Variants in KIFAP3 observed in about 807,000 individuals in gnomAD.
The protein encoded by KIFAP3 is kinesin associated protein 3.
A neutral mutation model predicts 106.5 loss-of-function variants in KIFAP3; 68 were observed. That is an observed-to-expected ratio of 0.64 (90% confidence interval 0.53 to 0.78). KIFAP3 has a LOEUF of 0.78. Ranked by LOEUF, KIFAP3 falls within the 30% of genes least tolerant of loss-of-function variation. KIFAP3 has a pLI of 0.00. For missense variants in KIFAP3, 780 were observed against 941.8 expected, an observed-to-expected ratio of 0.83 and a Z score of 2.25; for synonymous variants, 320 against 311.5, an observed-to-expected ratio of 1.03 and a Z score of -0.29.
chr1:170,041,358 C>G lies in KIFAP3; in HGVS notation c.320-2070G>C, dbSNP rs551189086. Among the ~76,000 whole-genome samples the G allele has an allele frequency of 2.6e-5, 4 of 152,150 alleles. No homozygotes were observed. In the South Asian group the frequency reaches 8.3e-4, roughly 32 times the overall value. ...GCATTGATACATTATTTTAAGAGCA[C>G]CAGCTGGGCACAGTGGCTCATGCCT... On this transcript the variant is annotated intron_variant, in intron 3 of 19. Coordinates refer to ENST00000361580, the MANE Select transcript of KIFAP3 (RefSeq NM_014970.4).
chr1:170,061,516 G>A (rs1001382755), intron 1 of KIFAP3, among the ~76,000 whole-genome samples: 10 of 152,174 alleles, frequency 6.6e-5, no homozygotes, highest in African/African-American at 2.4e-4. Flanking sequence ...GGAAACAACA[G>A]GTGCTGGAGA....
intron 19 of KIFAP3, among the ~76,000 whole-genome samples, chr1:169,937,116 A>G (rs1289853157): frequency 6.6e-6 from 1 of 151,382 alleles, no homozygotes; most frequent in Non-Finnish European, 1.5e-5. Context: ...AGAAAGCTGA[A>G]AGAATAATAA....
Position 170,017,481 on chromosome 1 carries a change from C to A in KIFAP3, c.1021-857G>T, listed in dbSNP as rs184601568. 8.6e-4 allele frequency among the ~76,000 whole-genome samples: 130 copies of A among 151,744 alleles called. 1 individual carries two copies. The highest frequency in any genetic ancestry group is 3.0e-3 in the African/African-American group (123 of 41,372). On this transcript the variant is annotated intron_variant, in intron 9 of 19. Coordinates refer to ENST00000361580, the MANE Select transcript of KIFAP3 (RefSeq NM_014970.4). ...ATGGCAATACAAGTTGAGGAAAAAG[C>A]CAGTGGATCGGCATTTAGGAATAAA...
intron 10 of KIFAP3, among the ~76,000 whole-genome samples, chr1:170,003,858 A>G (rs1179046345): frequency 2.0e-5 from 3 of 152,244 alleles, no homozygotes; most frequent in Non-Finnish European, 4.4e-5. Flanking sequence ...AGTTCTGGCC[A>G]GGGCAATCAG....
At chr1:170,080,239 C>A (rs929828134) in intron 1 of KIFAP3, among the ~76,000 whole-genome samples, 2 of 151,842 alleles carry the variant, frequency 1.3e-5, no homozygotes, top group Admixed American at 6.6e-5. Context: ...CACTGAAAAC[C>A]ATGAAACAGC....
chr1:170,070,471 G>T (rs761130227), intron 1 of KIFAP3, among the ~76,000 whole-genome samples: 2 of 152,050 alleles, frequency 1.3e-5, no homozygotes, highest in African/African-American at 4.8e-5. Context: ...AAATATAATT[G>T]AGAGTGCAGG....
chr1:170,075,711 C>T (rs1003049434), upstream of KIFAP3, among the ~76,000 whole-genome samples: 2 of 152,194 alleles, frequency 1.3e-5, no homozygotes, highest in African/African-American at 4.8e-5. Flanking sequence ...GTCATTCTTT[C>T]ATTCTGAAAG....
At chr1:169,927,152 T>C (rs1216284640) in intron 19 of KIFAP3, among the ~76,000 whole-genome samples, 3 of 152,198 alleles carry the variant, frequency 2.0e-5, no homozygotes, top group Non-Finnish European at 4.4e-5. Context: ...AGTGACTCTA[T>C]ATACCATTTG....
chr1:169,957,772 G>A (rs61806097), intron 18 of KIFAP3, among the ~76,000 whole-genome samples: 4 of 152,006 alleles, frequency 2.6e-5, no homozygotes, highest in Non-Finnish European at 5.9e-5. Flanking sequence ...GATTACAGGC[G>A]TGTGCTATCA....
intron 1 of KIFAP3, 28 bp from the exon 2 acceptor site, chr1:170,055,464 C>A: frequency 6.5e-7 from 1 of 1,528,586 alleles, no homozygotes; most frequent in Non-Finnish European, 8.8e-7. Flanking sequence ...AATGATATAA[C>A]CAGATTAAAA....
intron 9 of KIFAP3, among the ~76,000 whole-genome samples, chr1:170,018,442 A>G (rs1668631643): frequency 6.6e-6 from 1 of 152,194 alleles, no homozygotes; most frequent in Non-Finnish European, 1.5e-5. Flanking sequence ...TTTTTAAGGT[A>G]GCAATCGGAA....
At chr1:170,081,859 G>A (rs1672024944) in intron 1 of KIFAP3, among the ~76,000 whole-genome samples, 3 of 152,028 alleles carry the variant, frequency 2.0e-5, no homozygotes. Context: ...TTTTTTTGTG[G>A]GGGTGGGTGA....
At chr1:169,987,053 A>G (rs1231854147) in intron 11 of KIFAP3, among the ~76,000 whole-genome samples, 2 of 152,112 alleles carry the variant, frequency 1.3e-5, no homozygotes, top group Non-Finnish European at 2.9e-5. Context: ...GTTTTTCATA[A>G]TAAGAGAGAT....
At chr1:169,960,991 TA>T in intron 18 of KIFAP3, 54 bp downstream of exon 18, 1 of 1,430,556 alleles carries the variant, frequency 7.0e-7, no homozygotes, top group Non-Finnish European at 9.5e-7. Flanking sequence ...GCTGGCCGAC[TA>T]AAATCTCTAT....
chr1:169,994,458 T>G (rs1667272979), intron 10 of KIFAP3, among the ~76,000 whole-genome samples: 1 of 152,216 alleles, frequency 6.6e-6, no homozygotes. Flanking sequence ...AAAAATATAC[T>G]GCTTTTTAAA....
chr1:170,001,011 T>C (rs1571637655), intron 10 of KIFAP3, among the ~76,000 whole-genome samples: 2 of 152,252 alleles, frequency 1.3e-5, no homozygotes, highest in East Asian at 3.9e-4. Flanking sequence ...AACATTGTTT[T>C]TAGAGATAGT....
intron 19 of KIFAP3, among the ~76,000 whole-genome samples, chr1:169,939,069 G>A (rs927018702): frequency 1.3e-5 from 2 of 152,136 alleles, no homozygotes; most frequent in African/African-American, 4.8e-5. Flanking sequence ...TTGAAGGCAC[G>A]TGAGAGACGT....
intron 17 of KIFAP3, among the ~76,000 whole-genome samples, chr1:169,966,665 C>A (rs1041891244): frequency 6.6e-6 from 1 of 151,796 alleles, no homozygotes; most frequent in South Asian, 2.1e-4. Flanking sequence ...AACCACAATA[C>A]TATATCCCAC....
intron 10 of KIFAP3, among the ~76,000 whole-genome samples, chr1:170,008,002 A>G (rs951837938): frequency 1.3e-5 from 2 of 152,206 alleles, no homozygotes; most frequent in Non-Finnish European, 2.9e-5. Context: ...AAACCTGACA[A>G]AAACATACAA....
Sources: gnomAD v4.1 joint callset for allele counts (sites outside exome capture counted in the v4.1 genomes callset) on GRCh38, gnomAD v4.1.1 for gene constraint, MANE v1.5 for transcripts, NCBI Gene and HGNC (gene_info 2026-07-23, HGNC 2026-07-21) for gene names.